The following SMCHD1 variants were observed in gnomAD, a reference collection of about 807,000 sequenced individuals.
SMCHD1 encodes the protein structural maintenance of chromosomes flexible hinge domain containing 1, also known as structural maintenance of chromosomes flexible hinge domain-containing protein 1.
A neutral mutation model predicts 254.7 loss-of-function variants in SMCHD1; 78 were observed. The ratio of observed to expected loss-of-function variants is 0.31; its 90% confidence interval spans 0.26 to 0.37. SMCHD1 has a LOEUF of 0.37. Ranked by LOEUF, SMCHD1 falls within the 10% of genes least tolerant of loss-of-function variation. SMCHD1 has a pLI of 1.00. For synonymous variants in SMCHD1, 766 were observed against 794.9 expected (o/e 0.96, Z 0.61); for missense variants, 1,840 against 2,408.1 (o/e 0.76, Z 4.94).
intron 47 of SMCHD1, among the ~76,000 whole-genome samples, chr18:2,797,890 C>G (rs2076290929): frequency 1.3e-5 from 2 of 151,898 alleles, no homozygotes; most frequent in African/African-American, 4.8e-5. Context: ...GCACTCCAGT[C>G]CGGGCAACAA....
chr18:2,679,203 G>C (rs1257180026), intron 5 of SMCHD1, among the ~76,000 whole-genome samples: 1 of 148,514 alleles, frequency 6.7e-6, no homozygotes, highest in African/African-American at 2.5e-5. Flanking sequence ...GGTTGGGCCG[G>C]GCGCAGTGGC....
intron 32 of SMCHD1, 23 bp from the exon 33 acceptor site, chr18:2,751,254 AT>A (rs778451133): frequency 2.2e-6 from 3 of 1,347,906 alleles, no homozygotes; most frequent in Non-Finnish European, 1.0e-6. Flanking sequence ...GAAAGAGATA[AT>A]TTTTTAACGT....
At position 2,785,151 on chromosome 18, in the gene SMCHD1, C is replaced by G. The variant is rs73367805; in HGVS notation, c.5719+530C>G. On this transcript the variant is annotated intron_variant, in intron 45 of 47. Coordinates refer to ENST00000320876, the MANE Select transcript of SMCHD1 (RefSeq NM_015295.3). ...GCATCTAATTAGCCAATATAATTGT[C>G]CCTGCACGTCTGTGCTCTGAAGTGC... 1.7e-3 allele frequency among the ~76,000 whole-genome samples: 259 copies of G among 152,234 alleles called. 1 individual carries two copies. Among genetic ancestry groups the G allele is most frequent in the African/African-American group, 6.1e-3 (255 of 41,532 alleles).
rs191609659 is a variant in SMCHD1 at position 2,656,189 on chromosome 18, C to A, written c.114C>A (p.Ser38=). Residue 38 remains serine (S), a synonymous_variant, in exon 1 of 48, where the codon TCC becomes TCA. Coordinates refer to ENST00000320876, the MANE Select transcript of SMCHD1 (RefSeq NM_015295.3). ...TGTTTGATCGGCGCGAAAAGGAGTCCGAGCTCGGGGACCGGCCTCTGCAGG... is the reference window on the plus strand; with the variant it reads ...TGTTTGATCGGCGCGAAAAGGAGTCAGAGCTCGGGGACCGGCCTCTGCAGG... ...VYLFDRREKE[S]ELGDRPLQVG... 5 of 1,506,110 alleles carry A rather than the reference C, an allele frequency of 3.3e-6. No individual in the cohort carries two copies. The Admixed American group carries it at 1.3e-4, about 38-fold the overall frequency. The allele number at this position is 1,506,110 out of a possible 1,614,324, so 93.3% of individuals were successfully genotyped here.
At chr18:2,730,082 A>G (rs2075107418) in intron 24 of SMCHD1, among the ~76,000 whole-genome samples, 2 of 152,172 alleles carry the variant, frequency 1.3e-5, no homozygotes, top group Admixed American at 1.3e-4. Flanking sequence ...ACCACCATGG[A>G]AGGACATATA....
chr18:2,673,233 A>G, intron 3 of SMCHD1, 48 bp from the exon 4 acceptor site: 2 of 1,512,506 alleles, frequency 1.3e-6, no homozygotes, highest in Non-Finnish European at 1.8e-6. Flanking sequence ...TTTTATATAA[A>G]GTATGTGGGA....
rs143000545 is a variant in SMCHD1, at chr18:2,680,183, C to A, written c.638+6038C>A. ...CGAGCTTCTTCTGCCACAGTCTCTA[C>A]CAACTGTTCTTTTTCCTGTGTGTGA... On this transcript the variant is annotated intron_variant, in intron 5 of 47. Transcript: ENST00000320876. 7.2e-5 allele frequency among the ~76,000 whole-genome samples: 11 copies of A among 152,328 alleles called. No individual in the cohort carries two copies. In the East Asian group the frequency reaches 2.1e-3, roughly 29 times the overall value.
At chr18:2,717,703 A>G (rs1020123968) in intron 17 of SMCHD1, among the ~76,000 whole-genome samples, 5 of 152,176 alleles carry the variant, frequency 3.3e-5, no homozygotes, top group Admixed American at 6.5e-5. Flanking sequence ...CAAGTGGGTA[A>G]GGTTGACTGC....
chr18:2,707,091 C>T (rs917790846), intron 15 of SMCHD1, among the ~76,000 whole-genome samples: 6 of 150,390 alleles, frequency 4.0e-5, no homozygotes, highest in African/African-American at 1.0e-4. Context: ...CCAGGTCCCT[C>T]CCTTGACACC....
intron 30 of SMCHD1, 96 bp downstream of exon 30, chr18:2,747,743 T>C: frequency 9.8e-7 from 1 of 1,024,394 alleles, no homozygotes; most frequent in Middle Eastern, 2.9e-4. Flanking sequence ...TTCTAAAAAA[T>C]ATATTTTACA....
chr18:2,678,670 CAT>C (rs2073834182), intron 5 of SMCHD1, among the ~76,000 whole-genome samples: 1 of 152,010 alleles, frequency 6.6e-6, no homozygotes, highest in Non-Finnish European at 1.5e-5. Context: ...TTTATTTCTT[CAT>C]GTGTATTTGA....
At position 2,688,713 on chromosome 18, in the gene SMCHD1, AG is replaced by A; in HGVS notation, c.841del (p.Ala281GlnfsTer31). 1 of 1,469,234 alleles carries A rather than the reference AG, an allele frequency of 6.8e-7. No homozygotes were observed. The highest frequency in any genetic ancestry group is 9.3e-7 in the Non-Finnish European group (1 of 1,071,726). 91.0% of individuals were successfully genotyped at this position (1,469,234 alleles called of 1,614,324 possible). On this transcript the variant is annotated frameshift_variant, in exon 7 of 48. Coordinates refer to ENST00000320876, the MANE Select transcript of SMCHD1 (RefSeq NM_015295.3). LOFTEE classifies it high-confidence loss of function. ...TTTGAGAAGAAGGAGAAAAATAAAG[AG>A]GCAATATATAGTGGATATATTAGAA... is the stretch of plus-strand genomic sequence containing the variant. Reference protein sequence around the residue: ...EDFEKKEKNKEAIYSGYIRNR... With the variant: ...EDFEKKEKNKXAIYSGYIRNR...
chr18:2,739,544 A>G (rs2075309517), intron 27 of SMCHD1, 24 bp downstream of exon 27: 3 of 1,568,788 alleles, frequency 1.9e-6, no homozygotes, highest in African/African-American at 2.7e-5. Context: ...GCTTTAAAAA[A>G]CAAACAACAA....
chr18:2,782,875 T>C (rs2076180217), intron 44 of SMCHD1, among the ~76,000 whole-genome samples: 1 of 149,908 alleles, frequency 6.7e-6, no homozygotes, highest in Non-Finnish European at 1.5e-5. Flanking sequence ...CTAGAAAACA[T>C]ATAAACCCAA....
rs780740818 is a variant in SMCHD1, at chr18:2,743,766, C to A, written c.3639C>A (p.Asn1213Lys). 25 of 1,596,360 alleles carry A rather than the reference C, an allele frequency of 1.6e-5. No individual in the cohort carries two copies. In the African/African-American group the frequency reaches 3.2e-4, roughly 21 times the overall value. Residue 1213 changes from asparagine to lysine, a missense_variant, in exon 29 of 48, where the codon AAC (asparagine) becomes AAA (lysine). Transcript: ENST00000320876. ...AATGTACTTTTCCTCACTAGGAAAA[C>A]ACACAGAGTATAAGTGTAAGAGGCA... is the stretch of plus-strand genomic sequence containing the variant. ...SSNLKTTFQE[N>K]TQSISVRGIK...
intron 35 of SMCHD1, among the ~76,000 whole-genome samples, chr18:2,760,957 C>G (rs1345087079): frequency 6.6e-6 from 1 of 152,024 alleles, no homozygotes; most frequent in Non-Finnish European, 1.5e-5. Context: ...AATAATTTGA[C>G]CTGTTACAGG....
At chr18:2,675,140 C>G (rs2073711469) in intron 5 of SMCHD1, among the ~76,000 whole-genome samples, 1 of 151,864 alleles carries the variant, frequency 6.6e-6, no homozygotes, top group Non-Finnish European at 1.5e-5. Flanking sequence ...GGTTTTATGA[C>G]AACTAAGTGA....
At position 2,656,248 on chromosome 18, in the gene SMCHD1, CGT is replaced by C. The variant is rs2073052786; in HGVS notation, c.182_183del (p.Cys61SerfsTer8). 7 of 1,501,428 alleles carry C rather than the reference CGT, an allele frequency of 4.7e-6. No homozygotes were observed. Among genetic ancestry groups the C allele is most frequent in the Admixed American group, 2.7e-5 (1 of 36,582 alleles). The allele number at this position is 1,501,428 out of a possible 1,614,324, so 93.0% of individuals were successfully genotyped here. A position where few individuals can be genotyped will look rare whatever the true frequency, so the allele number is the denominator to read the frequency against. On this transcript the variant is annotated frameshift_variant, in exon 1 of 48. Transcript: ENST00000320876. LOFTEE classifies it high-confidence loss of function. ...CGCTCGGACTACGCGGGATTTCGCGCGTGTGTGTGTCAGGTACGCGAAGGGGC... is the reference window on the plus strand; with the variant it reads ...CGCTCGGACTACGCGGGATTTCGCGCGTGTGTGTCAGGTACGCGAAGGGGC...
chr18:2,672,335 T>C (rs1249430316), intron 3 of SMCHD1, among the ~76,000 whole-genome samples: 1 of 152,174 alleles, frequency 6.6e-6, no homozygotes, highest in African/African-American at 2.4e-5. Context: ...CAAGCGATTC[T>C]CCTGCCTCAG....
Sources: allele counts gnomAD v4.1 joint callset (sites outside exome capture counted in the v4.1 genomes callset), GRCh38; gene constraint gnomAD v4.1.1; transcripts MANE v1.5; gene names NCBI Gene and HGNC (gene_info 2026-07-23, HGNC 2026-07-21).